Variants in GRIP1 observed in about 807,000 individuals in gnomAD.
GRIP1 encodes the protein glutamate receptor interacting protein 1, also known as glutamate receptor-interacting protein 1.
In GRIP1, 45 loss-of-function variants were observed where a neutral mutation model predicts 129.9. The observed-to-expected ratio is 0.35, with a 90% CI of 0.27 to 0.44. The LOEUF is 0.44. Among genes scored for constraint, GRIP1 ranks in the 20% least tolerant of loss-of-function variants. The pLI is 1.00. For synonymous variants in GRIP1, 530 were observed against 520.8 expected (o/e 1.02, Z -0.24); for missense variants, 1,196 against 1,396.8 (o/e 0.86, Z 2.29).
intron 1 of GRIP1, among the ~76,000 whole-genome samples, chr12:66,664,880 G>A (rs558211097): frequency 4.6e-5 from 7 of 152,158 alleles, no homozygotes; most frequent in African/African-American, 1.4e-4. Context: ...AAAAGTAAAA[G>A]TTTTCTTCCT....
chr12:66,547,024 A>C (rs1261677501), intron 2 of GRIP1, among the ~76,000 whole-genome samples: 1 of 152,180 alleles, frequency 6.6e-6, no homozygotes. Context: ...AAAAGACAAA[A>C]GACTAGTATT....
At chr12:66,363,199 C>CTATATATATATATATATATATATA (rs1565666323) in intron 23 of GRIP1, among the ~76,000 whole-genome samples, 8 of 35,332 alleles carry the variant, frequency 2.3e-4, no homozygotes, top group African/African-American at 6.1e-4. Context: ...GTGTGTGTGT[C>CTATATATATATATATATATATATA]CATATATATA....
intron 2 of GRIP1, among the ~76,000 whole-genome samples, chr12:66,553,015 T>G (rs2062194154): frequency 1.3e-5 from 2 of 152,164 alleles, no homozygotes; most frequent in South Asian, 2.1e-4. Flanking sequence ...AGGACAGCTC[T>G]CACACCCTGT....
At chr12:66,916,530 A>C (rs1206509643) in intron 1 of GRIP1, among the ~76,000 whole-genome samples, 1 of 152,218 alleles carries the variant, frequency 6.6e-6, no homozygotes, top group Non-Finnish European at 1.5e-5. Context: ...AGTGCCTTTC[A>C]TGTTTAAAAA....
At chr12:66,616,263 A>T (rs2065035049) in intron 1 of GRIP1, among the ~76,000 whole-genome samples, 1 of 152,038 alleles carries the variant, frequency 6.6e-6, no homozygotes, top group South Asian at 2.1e-4. Flanking sequence ...TCTTTTTTTT[A>T]AATAAAAAAA....
chr12:67,066,911 T>TATATATACAC (rs1474197671), intron 1 of GRIP1, among the ~76,000 whole-genome samples: 6 of 140,604 alleles, frequency 4.3e-5, no homozygotes, highest in African/African-American at 1.1e-4. Context: ...TATATATATA[T>TATATATACAC]ACACACACAC....
chr12:66,687,604 A>T (rs937867472), intron 1 of GRIP1, among the ~76,000 whole-genome samples: 4 of 152,220 alleles, frequency 2.6e-5, no homozygotes, highest in Non-Finnish European at 5.9e-5. Flanking sequence ...TCACAATACT[A>T]AACATGTAGT....
At chr12:66,964,516 A>C (rs1225377104) in intron 1 of GRIP1, among the ~76,000 whole-genome samples, 6 of 151,986 alleles carry the variant, frequency 3.9e-5, no homozygotes, top group African/African-American at 7.2e-5. Context: ...CCCTATATTC[A>C]GGCCTGTGTA....
At chr12:66,587,852 A>G (rs891511361) in intron 2 of GRIP1, among the ~76,000 whole-genome samples, 5 of 152,192 alleles carry the variant, frequency 3.3e-5, no homozygotes, top group Non-Finnish European at 7.4e-5. Context: ...AAAGAGAGCA[A>G]AGAGCTTTGC....
At chr12:66,708,427 A>C (rs2035607738) in intron 1 of GRIP1, among the ~76,000 whole-genome samples, 1 of 151,990 alleles carries the variant, frequency 6.6e-6, no homozygotes, top group African/African-American at 2.4e-5. Context: ...GGTAAAGTTT[A>C]CCATACTAGA....
chr12:67,002,981 TGGCTGA>T lies in GRIP1; in HGVS notation c.58+66063_58+66068del, dbSNP rs1387700075. Among the ~76,000 whole-genome samples the T allele has an allele frequency of 7.9e-5, 12 of 152,268 alleles. No individual in the cohort carries two copies. The East Asian group carries it at 2.1e-3, about 27-fold the overall frequency. ...CTGGCTTTATGCCTCCTGTTTCCCC[TGGCTGA>T]GTAACTGCAGGCATTAGGTTCCTCT... On this transcript the variant is annotated intron_variant, in intron 1 of 1. Coordinates refer to the GRIP1 transcript ENST00000643019.
At chr12:66,523,379 A>G (rs928541514) in intron 5 of GRIP1, among the ~76,000 whole-genome samples, 1 of 140,752 alleles carries the variant, frequency 7.1e-6, no homozygotes, top group Non-Finnish European at 1.6e-5. Context: ...AATATTCAAC[A>G]TTCTTAAAGA....
intron 15 of GRIP1, among the ~76,000 whole-genome samples, chr12:66,412,968 A>G (rs1388312939): frequency 1.3e-5 from 2 of 152,242 alleles, no homozygotes; most frequent in African/African-American, 4.8e-5. Flanking sequence ...GCAAGTTCTT[A>G]GAGACCTATG....
intron 1 of GRIP1, among the ~76,000 whole-genome samples, chr12:66,966,707 CTCATTA>C (rs1441348111): frequency 6.6e-6 from 1 of 152,070 alleles, no homozygotes; most frequent in Non-Finnish European, 1.5e-5. Flanking sequence ...TGACGTTTTT[CTCATTA>C]TGAGACTGGA....
At chr12:66,793,386 AT>A (rs1424292878) in intron 1 of GRIP1, among the ~76,000 whole-genome samples, 1 of 152,222 alleles carries the variant, frequency 6.6e-6, no homozygotes, top group East Asian at 1.9e-4. Context: ...TTGGTGATAA[AT>A]TTTCTTCCAG....
intron 1 of GRIP1, among the ~76,000 whole-genome samples, chr12:67,005,719 C>T (rs781548482): frequency 1.3e-5 from 2 of 152,186 alleles, no homozygotes; most frequent in East Asian, 1.9e-4. Context: ...AGATTCCTCA[C>T]GACCTTCCTG....
chr12:66,545,488 G>A (rs902229877), intron 2 of GRIP1, among the ~76,000 whole-genome samples: 1 of 152,104 alleles, frequency 6.6e-6, no homozygotes, highest in East Asian at 1.9e-4. Flanking sequence ...TAGAAGAGAA[G>A]GCCCCATTTA....
At chr12:66,647,181 T>C (rs2032440345) in intron 1 of GRIP1, 1 of 152,182 alleles carries the variant, frequency 6.6e-6, no homozygotes, top group South Asian at 2.1e-4. Context: ...TCACCACAAG[T>C]TACATGCATC....
chr12:66,380,324 T>A (rs1196449146), intron 19 of GRIP1, among the ~76,000 whole-genome samples: 1 of 152,212 alleles, frequency 6.6e-6, no homozygotes, highest in East Asian at 1.9e-4. Flanking sequence ...GAGCAAGGCC[T>A]TATTTCAACC....
Sources: allele counts gnomAD v4.1 joint callset (sites outside exome capture counted in the v4.1 genomes callset), GRCh38; gene constraint gnomAD v4.1.1; transcripts MANE v1.5; gene names NCBI Gene and HGNC (gene_info 2026-07-23, HGNC 2026-07-21).